The following DACH1 variants were observed in gnomAD, a reference collection of about 807,000 sequenced individuals.
DACH1 encodes dachshund homolog 1.
DACH1 carries 12 observed loss-of-function variants against 54.2 expected under a neutral mutation model. The ratio of observed to expected loss-of-function variants is 0.22; its 90% CI spans 0.14 to 0.36. The LOEUF is 0.36. Ranked by LOEUF, DACH1 falls within the 10% of genes least tolerant of loss-of-function variation. The pLI is 1.00. For missense variants in DACH1, 805 were observed against 929.8 expected (o/e 0.87, Z 1.75); for synonymous variants, 386 against 366.2 (o/e 1.05, Z -0.62).
chr13:71,778,660 C>T (rs1481975491), intron 1 of DACH1, among the ~76,000 whole-genome samples: 1 of 152,020 alleles, frequency 6.6e-6, no homozygotes, highest in Non-Finnish European at 1.5e-5. Context: ...CTTTCCTCTG[C>T]TAACAATATG....
intron 1 of DACH1, among the ~76,000 whole-genome samples, chr13:71,839,219 CAGAG>C (rs755473554): frequency 2.0e-5 from 3 of 151,990 alleles, no homozygotes; most frequent in Non-Finnish European, 4.4e-5. Flanking sequence ...ATCCAGAAGA[CAGAG>C]AGAAAAAATC....
intron 6 of DACH1, among the ~76,000 whole-genome samples, chr13:71,548,808 C>T (rs967545199): frequency 5.9e-5 from 9 of 151,716 alleles, no homozygotes; most frequent in African/African-American, 1.2e-4. Flanking sequence ...CCCAGCTATT[C>T]GGGAGGCTGA....
At chr13:71,687,223 T>C (rs1881215214) in intron 1 of DACH1, among the ~76,000 whole-genome samples, 1 of 152,148 alleles carries the variant, frequency 6.6e-6, no homozygotes, top group Non-Finnish European at 1.5e-5. Context: ...GTATGTATGT[T>C]TATATTATAC....
chr13:71,694,147 C>T lies in DACH1; in HGVS notation c.849-12237G>A, dbSNP rs187815092. Among the ~76,000 whole-genome samples the T allele has an allele frequency of 1.3e-3, 199 of 152,168 alleles. No homozygotes were observed. The Middle Eastern group carries it at 0.014, about 10-fold the overall frequency. On this transcript the variant is annotated intron_variant, in intron 1 of 10. Coordinates refer to ENST00000613252, the MANE Select transcript of DACH1 (RefSeq NM_080759.6). ...CCTTCACTGACAAGTTATTTGTATGCCACCTCTGGAGAAAATGTACATAAC... is the reference window on the plus strand; with the variant it reads ...CCTTCACTGACAAGTTATTTGTATGTCACCTCTGGAGAAAATGTACATAAC...
Position 71,866,709 on chromosome 13 carries a change from A to G in DACH1, c.61T>C (p.Ser21Pro). 1.4e-6 allele frequency: 2 copies of G among 1,451,886 alleles called. No individual in the cohort carries two copies. The highest frequency in any genetic ancestry group is 2.2e-5 in the Admixed American group (1 of 44,792). 89.9% of individuals were successfully genotyped at this position (1,451,886 alleles called of 1,614,324 possible). ...GTGCCAGAGGAGGAAGCAGACGTGG[A>G]GATTGGGGGTTGAGGGGGGACCAGC... ...TQLVPPQPPI[S>P]TSASSSGTTT... The change falls in exon 1 of 11, where the codon TCC becomes CCC. Residue 21 changes from serine (S) to proline (P), a missense_variant. Physicochemically the swap from Ser to Pro is moderately conservative, Grantham distance 74 (BLOSUM62 -1). Transcript: ENST00000613252.
At chr13:71,808,520 A>G (rs1887595573) in intron 1 of DACH1, among the ~76,000 whole-genome samples, 1 of 152,174 alleles carries the variant, frequency 6.6e-6, no homozygotes, top group Admixed American at 6.5e-5. Context: ...GCATCTTTGG[A>G]GGCACTAATG....
intron 3 of DACH1, among the ~76,000 whole-genome samples, chr13:71,587,049 A>G (rs547719874): frequency 1.3e-5 from 2 of 152,252 alleles, no homozygotes; most frequent in South Asian, 4.1e-4. Context: ...TTAAAAATTC[A>G]AAAAAGCCCC....
chr13:71,491,861 G>C (rs1397137994), intron 6 of DACH1, among the ~76,000 whole-genome samples: 1 of 152,112 alleles, frequency 6.6e-6, no homozygotes. Flanking sequence ...AATGTTCTAA[G>C]AAGATTAAAG....
chr13:71,564,473 G>GAA (rs200872404), intron 4 of DACH1, among the ~76,000 whole-genome samples: 1 of 123,472 alleles, frequency 8.1e-6, no homozygotes. Flanking sequence ...CTCTTTCACT[G>GAA]AAAAAAAAAA....
At chr13:71,783,067 A>C (rs1216318572) in intron 1 of DACH1, among the ~76,000 whole-genome samples, 1 of 152,204 alleles carries the variant, frequency 6.6e-6, no homozygotes. Flanking sequence ...ACAAAGATAA[A>C]GGCATTGCTT....
chr13:71,701,599 T>C (rs1297068044), intron 1 of DACH1, among the ~76,000 whole-genome samples: 1 of 151,984 alleles, frequency 6.6e-6, no homozygotes, highest in Non-Finnish European at 1.5e-5. Flanking sequence ...TAGGAGGTAG[T>C]TAAGGAAGTA....
At chr13:71,669,611 T>G (rs1390719424) in intron 2 of DACH1, among the ~76,000 whole-genome samples, 1 of 152,086 alleles carries the variant, frequency 6.6e-6, no homozygotes, top group Non-Finnish European at 1.5e-5. Flanking sequence ...ACAAAACCAG[T>G]CCCTGGTGCC....
chr13:71,781,448 G>A (rs924239991), intron 1 of DACH1, among the ~76,000 whole-genome samples: 2 of 150,836 alleles, frequency 1.3e-5, no homozygotes, highest in African/African-American at 2.4e-5. Context: ...GCACCATCTC[G>A]GCTCACTGCA....
chr13:71,748,898 CTCTTTCTT>C lies in DACH1; in HGVS notation c.849-66996_849-66989del, dbSNP rs796904876. On this transcript the variant is annotated intron_variant, in intron 1 of 10. Transcript: ENST00000613252. ...TCTTTCTTTCTTTCTTTCTTTCTTT[CTCTTTCTT>C]TCTTTCTTTCTTTCTTTCTTTCTTT... is the stretch of plus-strand genomic sequence containing the variant. Among the ~76,000 whole-genome samples the C allele has an allele frequency of 8.9e-3, 350 of 39,536 alleles. 3 individuals carry two copies. Among genetic ancestry groups the C allele is most frequent in the African/African-American group, 0.021 (267 of 12,822 alleles). The allele number at this position is 39,536 out of a possible 152,430, so 25.9% of individuals were successfully genotyped here.
intron 2 of DACH1, among the ~76,000 whole-genome samples, chr13:71,637,257 G>A (rs1725501003): frequency 6.6e-6 from 1 of 152,132 alleles, no homozygotes; most frequent in Non-Finnish European, 1.5e-5. Flanking sequence ...CCTCACAGGT[G>A]TGTTGTGAAG....
At chr13:71,758,161 C>T (rs753461928) in intron 1 of DACH1, among the ~76,000 whole-genome samples, 1 of 151,720 alleles carries the variant, frequency 6.6e-6, no homozygotes, top group Non-Finnish European at 1.5e-5. Flanking sequence ...CATTAAGCAC[C>T]GTTTAAGGTG....
chr13:71,598,538 C>A (rs1442648334), intron 3 of DACH1, among the ~76,000 whole-genome samples: 1 of 152,176 alleles, frequency 6.6e-6, no homozygotes. Context: ...CAGGCGTGAG[C>A]CACTGCGCCC....
intron 1 of DACH1, among the ~76,000 whole-genome samples, chr13:71,752,389 A>T (rs1011430362): frequency 9.2e-5 from 14 of 152,148 alleles, no homozygotes; most frequent in African/African-American, 3.4e-4. Flanking sequence ...CTATCAAAAT[A>T]GTAACCTAGT....
intron 3 of DACH1, among the ~76,000 whole-genome samples, chr13:71,588,045 G>A (rs945356672): frequency 6.6e-6 from 1 of 152,056 alleles, no homozygotes; most frequent in African/African-American, 2.4e-5. Context: ...TAACTTTAGC[G>A]ATTAATTTTG....
Sources: allele counts gnomAD v4.1 joint callset (sites outside exome capture counted in the v4.1 genomes callset), GRCh38; gene constraint gnomAD v4.1.1; transcripts MANE v1.5; gene names NCBI Gene and HGNC (gene_info 2026-07-23, HGNC 2026-07-21).